Variants in ITGA1 observed in about 807,000 individuals in gnomAD.
ITGA1 encodes integrin subunit alpha 1.
Under a neutral mutation model 145.9 loss-of-function variants are expected in ITGA1, and 85 were observed. That is an observed-to-expected ratio of 0.58 (90% CI 0.49 to 0.70). The LOEUF is 0.70. Among genes scored for constraint, ITGA1 ranks in the 30% least tolerant of loss-of-function variants. ITGA1 has a pLI of 0.00. For missense variants in ITGA1, 1,351 were observed against 1,418.7 expected, an observed-to-expected ratio of 0.95 and a Z score of 0.77; for synonymous variants, 520 against 495.3, an observed-to-expected ratio of 1.05 and a Z score of -0.66.
intron 1 of ITGA1, among the ~76,000 whole-genome samples, chr5:52,835,757 T>G (rs2938793): frequency 0.34 from 52,065 of 151,964 alleles, 9,239 homozygotes; most frequent in South Asian, 0.44. Flanking sequence ...TATTGGTTCG[T>G]TTGTTCTAAT....
chr5:52,825,424 T>G (rs1461558085), intron 1 of ITGA1, among the ~76,000 whole-genome samples: 1 of 152,200 alleles, frequency 6.6e-6, no homozygotes, highest in Admixed American at 6.5e-5. Flanking sequence ...CACATTTTGG[T>G]AATTCTCGCA....
chr5:52,867,655 C>T (rs1241593213), intron 6 of ITGA1, among the ~76,000 whole-genome samples: 1 of 151,846 alleles, frequency 6.6e-6, no homozygotes, highest in Non-Finnish European at 1.5e-5. Context: ...TCCCCTATCC[C>T]TTCTCTCCTT....
chr5:52,908,769 T>G lies in ITGA1; in HGVS notation c.1456-129T>G. On this transcript the variant is annotated intron_variant, in intron 12 of 28. Transcript: ENST00000282588. ...TAAATAACTTTCAGGGAGCATCAAT[T>G]TTTATCTTTCATTTCCTTTGCCAAC... The G allele has an allele frequency of 4.2e-6, 4 of 963,056 alleles. No individual in the cohort carries two copies. In the East Asian group the frequency reaches 1.0e-4, roughly 24 times the overall value. 59.7% of individuals were successfully genotyped at this position (963,056 alleles called of 1,614,324 possible).
chr5:52,893,273 A>G (rs1750178690), intron 8 of ITGA1, among the ~76,000 whole-genome samples: 1 of 152,208 alleles, frequency 6.6e-6, no homozygotes, highest in African/African-American at 2.4e-5. Flanking sequence ...ATTCAAAAGC[A>G]GGCAACTCAC....
chr5:52,921,772 A>G lies in ITGA1; in HGVS notation c.2293-1005A>G, dbSNP rs372372417. ...TGGAGTCAGCCAGTGTAGAATTTGT[A>G]TCCCAAATATTCCACATTCTGAGAG... On this transcript the variant is annotated intron_variant, in intron 17 of 28. Transcript: ENST00000282588. 2.0e-5 allele frequency among the ~76,000 whole-genome samples: 3 copies of G among 152,320 alleles called. No homozygotes were observed. The East Asian group carries it at 5.8e-4, about 29-fold the overall frequency.
At chr5:52,925,538 C>T (rs772617181) in intron 19 of ITGA1, 51 bp downstream of exon 19, 1 of 1,361,668 alleles carries the variant, frequency 7.3e-7, no homozygotes, top group African/African-American at 1.4e-5. Context: ...ATTTACCTGG[C>T]CTACTTTTCA....
chr5:52,923,691 A>G (rs1217190116), intron 18 of ITGA1, among the ~76,000 whole-genome samples: 1 of 152,216 alleles, frequency 6.6e-6, no homozygotes, highest in African/African-American at 2.4e-5. Context: ...GGAGTTTAAG[A>G]AAACTAATAA....
intron 6 of ITGA1, among the ~76,000 whole-genome samples, chr5:52,873,261 G>T (rs1302389896): frequency 2.0e-5 from 3 of 152,072 alleles, no homozygotes; most frequent in African/African-American, 4.8e-5. Flanking sequence ...TTCTTTGCAG[G>T]TGTTTACCCA....
At chr5:52,888,001 G>A (rs1208387453) in intron 8 of ITGA1, 36 bp downstream of exon 8, 2 of 1,596,480 alleles carry the variant, frequency 1.3e-6, no homozygotes, top group Admixed American at 3.4e-5. Flanking sequence ...CAAACTCTTA[G>A]GTGTAGAGAA....
intron 7 of ITGA1, among the ~76,000 whole-genome samples, chr5:52,882,629 A>G (rs1378419225): frequency 1.3e-5 from 2 of 152,094 alleles, no homozygotes; most frequent in East Asian, 1.9e-4. Flanking sequence ...TTCCATCTGC[A>G]GTTTTCCTTA....
At chr5:52,868,373 T>A (rs1229996675) in intron 6 of ITGA1, among the ~76,000 whole-genome samples, 1 of 152,198 alleles carries the variant, frequency 6.6e-6, no homozygotes, top group Admixed American at 6.5e-5. Context: ...TCTGTGAAGA[T>A]CTATGCCAGT....
Position 52,920,129 on chromosome 5 carries a change from G to C in ITGA1, c.2156-203G>C, listed in dbSNP as rs925672378. Among the ~76,000 whole-genome samples the C allele has an allele frequency of 2.6e-5, 4 of 152,152 alleles. No homozygotes were observed. In the East Asian group the frequency reaches 7.7e-4, roughly 29 times the overall value. On this transcript the variant is annotated intron_variant, in intron 16 of 28. Transcript: ENST00000282588. ...AGACACTGAAAGCACAGTGAACTCAGAGACCAGTTCTATAGAGTTCCTCAA... is the reference window on the plus strand; with the variant it reads ...AGACACTGAAAGCACAGTGAACTCACAGACCAGTTCTATAGAGTTCCTCAA...
rs376322589 is a variant in ITGA1, at chr5:52,849,347, T to A, written c.62-18T>A. The A allele has an allele frequency of 2.2e-5, 35 of 1,583,470 alleles. No individual in the cohort carries two copies. Among genetic ancestry groups the A allele is most frequent in the Non-Finnish European group, 2.8e-5 (33 of 1,159,214 alleles). Reference sequence around the variant, plus strand: ...CTTAGTTAACTCTATGTAACTGGATTTTGTTTTTCTCCTAAAGTTGTTCTA... The same window carrying A: ...CTTAGTTAACTCTATGTAACTGGATATTGTTTTTCTCCTAAAGTTGTTCTA... On this transcript the variant is annotated intron_variant, in intron 1 of 28. Transcript: ENST00000282588.
At chr5:52,800,237 C>T (rs978701089) in intron 1 of ITGA1, 1 of 681,300 alleles carries the variant, frequency 1.5e-6, no homozygotes, top group Non-Finnish European at 2.5e-6. Context: ...CCCTAGGCTG[C>T]ATGAGTCGAA....
At chr5:52,801,384 C>T in intron 1 of ITGA1, 1 of 1,585,984 alleles carries the variant, frequency 6.3e-7, no homozygotes, top group Non-Finnish European at 8.6e-7. Flanking sequence ...ATTATTTTGC[C>T]TAACTTTTGT....
intron 6 of ITGA1, among the ~76,000 whole-genome samples, chr5:52,872,731 A>C (rs556391030): frequency 6.6e-6 from 1 of 151,904 alleles, no homozygotes; most frequent in Admixed American, 6.6e-5. Flanking sequence ...TTCCTTGTTC[A>C]TGAAGTGCTG....
At chr5:52,920,978 G>A (rs1442781239) in intron 17 of ITGA1, among the ~76,000 whole-genome samples, 1 of 110,094 alleles carries the variant, frequency 9.1e-6, no homozygotes, top group Non-Finnish European at 1.9e-5. Context: ...TAGGCTTTGT[G>A]CTACTTCAGT....
intron 1 of ITGA1, among the ~76,000 whole-genome samples, chr5:52,795,361 A>C (rs939995869): frequency 1.3e-5 from 2 of 151,924 alleles, no homozygotes; most frequent in African/African-American, 4.8e-5. Flanking sequence ...AAGCCTTCCA[A>C]AATAAAATAC....
chr5:52,789,660 A>AACTT (rs1341806220), intron 1 of ITGA1, among the ~76,000 whole-genome samples: 1 of 152,226 alleles, frequency 6.6e-6, no homozygotes, highest in Non-Finnish European at 1.5e-5. Context: ...TGAGTGGTTT[A>AACTT]ACTTACCAGC....
Sources: allele counts gnomAD v4.1 joint callset (sites outside exome capture counted in the v4.1 genomes callset), GRCh38; gene constraint gnomAD v4.1.1; transcripts MANE v1.5; gene names NCBI Gene and HGNC (gene_info 2026-07-23, HGNC 2026-07-21).